ZC3H13: variants seen among roughly 807,000 people sequenced by gnomAD.
ZC3H13 encodes the protein zinc finger CCCH domain-containing protein 13.
A neutral mutation model predicts 204.1 loss-of-function variants in ZC3H13; 64 were observed. That is an observed-to-expected ratio of 0.31 (90% CI 0.26 to 0.39). The LOEUF (loss-of-function observed/expected upper bound fraction) is 0.39. Among genes scored for constraint, ZC3H13 ranks in the 10% least tolerant of loss-of-function variants. The probability of loss-of-function intolerance (pLI) is 1.00; values close to 1 mark genes in which losing one functional copy is unlikely to be tolerated. For synonymous variants in ZC3H13, 667 were observed against 693.7 expected (o/e 0.96, Z 0.60); for missense variants, 1,833 against 2,082.7 (o/e 0.88, Z 2.33).
chr13:46,003,481 AAACT>A, intron 7 of ZC3H13, 145 bp from the exon 8 acceptor site: 1 of 667,146 alleles, frequency 1.5e-6, no homozygotes, highest in South Asian at 2.3e-5. Flanking sequence ...GAAGAAAAAA[AAACT>A]AACAGAAATG....
intron 5 of ZC3H13, among the ~76,000 whole-genome samples, chr13:46,015,062 T>C (rs187410679): frequency 6.6e-6 from 1 of 152,330 alleles, no homozygotes; most frequent in East Asian, 1.9e-4. Flanking sequence ...TTCTATGACA[T>C]TATTTCTCAG....
intron 1 of ZC3H13, among the ~76,000 whole-genome samples, chr13:46,046,221 C>T (rs988628049): frequency 1.3e-5 from 2 of 152,098 alleles, no homozygotes; most frequent in African/African-American, 4.8e-5. Context: ...ATAATCTATA[C>T]TACACTGACA....
In ZC3H13 at chr13:45,981,059, TA is replaced by T. The variant is rs139103145; in HGVS notation, c.1721-1056del. On this transcript the variant is annotated intron_variant, in intron 10 of 18. Transcript: ENST00000679008. ...TTATTTGCAATCTCCTGTGAATTCCTAATTACTTCAAAACAAAATGAAATTT... is the reference window on the plus strand; with the variant it reads ...TTATTTGCAATCTCCTGTGAATTCCTATTACTTCAAAACAAAATGAAATTT... Among the ~76,000 whole-genome samples the T allele has an allele frequency of 5.1e-3, 776 of 152,316 alleles. 8 individuals carry two copies. The highest frequency in any genetic ancestry group is 0.018 in the African/African-American group (730 of 41,566).
At chr13:46,035,279 T>C (rs2043142805) in intron 4 of ZC3H13, among the ~76,000 whole-genome samples, 2 of 152,134 alleles carry the variant, frequency 1.3e-5, no homozygotes, top group Admixed American at 1.3e-4. Context: ...GTGCTTCCAG[T>C]AGATTAACTG....
intron 13 of ZC3H13, 142 bp from the exon 14 acceptor site, chr13:45,970,113 T>C (rs527384877): frequency 4.8e-5 from 52 of 1,091,924 alleles, no homozygotes; most frequent in Non-Finnish European, 6.2e-5. Flanking sequence ...GATCAAGAGA[T>C]CAAGATCATT....
Position 45,985,431 on chromosome 13 carries a change from T to G in ZC3H13, c.1586A>C (p.Tyr529Ser). The G allele has an allele frequency of 6.2e-7, 1 of 1,614,230 alleles. No individual in the cohort carries two copies. Among genetic ancestry groups the G allele is most frequent in the South Asian group, 1.1e-5 (1 of 91,088 alleles). The change falls in exon 10 of 19, where the codon TAT (tyrosine) becomes TCT (serine). Residue 529 changes from tyrosine to serine, a missense_variant. Transcript: ENST00000679008. ...EDTYPEESRS[Y>S]GRNHLREESS... ...TTCTTCTCTCAAATGGTTTCGGCCATAACTCCGGGATTCTTCTGGATATGT... is the reference window on the plus strand; with the variant it reads ...TTCTTCTCTCAAATGGTTTCGGCCAGAACTCCGGGATTCTTCTGGATATGT...
chr13:46,037,931 C>T lies in ZC3H13; in HGVS notation c.339+4233G>A, dbSNP rs1288744501. On this transcript the variant is annotated intron_variant, in intron 4 of 18. Coordinates refer to ENST00000679008, the MANE Select transcript of ZC3H13 (RefSeq NM_001330564.2). ...CACTATGTATTTTATATTTACAGCACACTTCAATTCAGACTACCCACATTT... is the reference window on the plus strand; with the variant it reads ...CACTATGTATTTTATATTTACAGCATACTTCAATTCAGACTACCCACATTT... 4.6e-5 allele frequency among the ~76,000 whole-genome samples: 7 copies of T among 152,282 alleles called. 1 individual carries two copies. In the Middle Eastern group the frequency reaches 0.01, roughly 222 times the overall value.
intron 7 of ZC3H13, among the ~76,000 whole-genome samples, chr13:46,004,462 C>A (rs1464127164): frequency 6.6e-6 from 1 of 152,088 alleles, no homozygotes; most frequent in Non-Finnish European, 1.5e-5. Context: ...ATCACTTGAA[C>A]CCGGAAGAAA....
At chr13:46,029,574 G>A (rs960641884) in intron 4 of ZC3H13, among the ~76,000 whole-genome samples, 7 of 151,272 alleles carry the variant, frequency 4.6e-5, no homozygotes, top group African/African-American at 1.5e-4. Flanking sequence ...GACTACAGGC[G>A]CCCGCTACCA....
At chr13:45,958,908 C>A (rs546743118) in intron 18 of ZC3H13, among the ~76,000 whole-genome samples, 62 of 152,224 alleles carry the variant, frequency 4.1e-4, no homozygotes, top group African/African-American at 1.5e-3. Context: ...CCTGCCTTGG[C>A]CTCCCAAAGT....
intron 8 of ZC3H13, among the ~76,000 whole-genome samples, chr13:45,998,904 TTG>T (rs1233158925): frequency 6.6e-6 from 1 of 152,100 alleles, no homozygotes; most frequent in Non-Finnish European, 1.5e-5. Flanking sequence ...TATCTGTAGC[TTG>T]TGATGCTGTT....
chr13:45,984,486 GT>G (rs1466650477), intron 10 of ZC3H13, among the ~76,000 whole-genome samples: 1 of 152,088 alleles, frequency 6.6e-6, no homozygotes, highest in African/African-American at 2.4e-5. Flanking sequence ...AATTGATTAA[GT>G]TGATGCATTG....
chr13:45,971,161 T>C (rs1039923835), intron 12 of ZC3H13, among the ~76,000 whole-genome samples: 3 of 152,238 alleles, frequency 2.0e-5, no homozygotes, highest in Non-Finnish European at 4.4e-5. Context: ...CATACGTTCA[T>C]TATATTTTTT....
rs775259170 is a variant in ZC3H13, at chr13:45,965,400, G to A, written c.4354C>T (p.His1452Tyr). Residue 1452 changes from histidine to tyrosine, a missense_variant, in exon 16 of 19, where the codon CAT (histidine) becomes TAT (tyrosine). Physicochemically the swap from His to Tyr is moderately conservative, Grantham distance 83. Coordinates refer to ENST00000679008, the MANE Select transcript of ZC3H13 (RefSeq NM_001330564.2). The stretch of plus-strand genomic sequence containing the variant: ...TCTCCAGCACCAGAGCCTAATGAAT[G>A]TGCATCATCTAACTTGGACTCGTCA... ...GDDESKLDDA[H>Y]SLGSGAGEGY... 1 of 1,613,256 alleles carries A rather than the reference G, an allele frequency of 6.2e-7. No homozygotes were observed. Among genetic ancestry groups the A allele is most frequent in the South Asian group, 1.1e-5 (1 of 91,004 alleles).
chr13:45,980,531 T>C (rs1164250017), intron 10 of ZC3H13, among the ~76,000 whole-genome samples: 2 of 152,196 alleles, frequency 1.3e-5, no homozygotes, highest in Non-Finnish European at 2.9e-5. Flanking sequence ...CTAATGTCTT[T>C]CAATGGATGA....
At chr13:45,958,670 TTTTGAGATGGAGTCTTGC>T (rs1951453069) in intron 18 of ZC3H13, among the ~76,000 whole-genome samples, 1 of 118,994 alleles carries the variant, frequency 8.4e-6, no homozygotes, top group African/African-American at 3.4e-5. Flanking sequence ...TTTTTTTTTT[TTTTGAGATGGAGTCTTGC>T]TTTGTCGCCC....
chr13:45,967,764 T>C lies in ZC3H13; in HGVS notation c.4061A>G (p.Asp1354Gly). 6.2e-7 allele frequency: 1 copy of C among 1,612,220 alleles called. No individual in the cohort carries two copies. Among genetic ancestry groups the C allele is most frequent in the Non-Finnish European group, 8.5e-7 (1 of 1,179,040 alleles). ...TAGTCTCTCTCTTTCCCTATCCAAG[T>C]CTCTCCTTTTGTCTCGTTCTCTCTC... ...ERERERDKRR[D>G]LDRERERLIS... Residue 1354 changes from aspartate (D) to glycine (G), a missense_variant, in exon 15 of 19, where the codon GAC (aspartate) becomes GGC (glycine). Physicochemically the swap from Asp to Gly is moderately conservative, Grantham distance 94. Transcript: ENST00000679008.
chr13:46,038,952 G>T (rs946964899), intron 4 of ZC3H13, among the ~76,000 whole-genome samples: 1 of 152,146 alleles, frequency 6.6e-6, no homozygotes, highest in African/African-American at 2.4e-5. Context: ...AACCTAGGAG[G>T]CAGAGGTTGC....
intron 9 of ZC3H13, among the ~76,000 whole-genome samples, chr13:45,987,200 TAG>T (rs1362809790): frequency 6.6e-6 from 1 of 152,158 alleles, no homozygotes; most frequent in African/African-American, 2.4e-5. Flanking sequence ...GACATCTAAA[TAG>T]AGAGGAACAA....
Sources: gnomAD v4.1 joint callset for allele counts (sites outside exome capture counted in the v4.1 genomes callset) on GRCh38, gnomAD v4.1.1 for gene constraint, MANE v1.5 for transcripts, NCBI Gene and HGNC (gene_info 2026-07-23, HGNC 2026-07-21) for gene names.